Variants in HIVEP3 observed in about 807,000 individuals in gnomAD.
HIVEP3 encodes HIVEP zinc finger 3, also known as transcription factor HIVEP3.
A neutral mutation model predicts 152.8 loss-of-function variants in HIVEP3; 49 were observed. That is an observed-to-expected ratio of 0.32 (90% CI 0.26 to 0.41). The LOEUF (loss-of-function observed/expected upper bound fraction) is 0.41. Among genes scored for constraint, HIVEP3 ranks in the 10% least tolerant of loss-of-function variants. The pLI is 1.00. For synonymous variants in HIVEP3, 1,269 were observed against 1,289.0 expected (o/e 0.98, Z 0.33); for missense variants, 2,790 against 3,103.3 (o/e 0.90, Z 2.40).
chr1:41,916,863 G>A (rs577514145), intron 1 of HIVEP3, among the ~76,000 whole-genome samples: 58 of 152,282 alleles, frequency 3.8e-4, no homozygotes, highest in Non-Finnish European at 5.7e-4. Flanking sequence ...GGAAACTGGA[G>A]GCCCTGCAGG....
rs373387235 is a variant in HIVEP3, at chr1:41,734,549, G to A, written c.-800-33554C>T. Among the ~76,000 whole-genome samples the A allele has an allele frequency of 1.2e-4, 19 of 152,308 alleles. 1 individual carries two copies. In the East Asian group the frequency reaches 1.7e-3, roughly 14 times the overall value. The stretch of plus-strand genomic sequence containing the variant: ...GCTGAAAGGTGTTCAGCCAAGGAGC[G>A]ATGGGCCACTGGGTGATTTAGAAAG... On this transcript the variant is annotated intron_variant, in intron 1 of 8. Transcript: ENST00000372583.
chr1:41,593,763 G>T (rs954312693), intron 3 of HIVEP3, among the ~76,000 whole-genome samples: 113 of 152,214 alleles, frequency 7.4e-4, no homozygotes, highest in Admixed American at 3.0e-3. Flanking sequence ...CAAATTTAGT[G>T]GCTTAATGCA....
At chr1:41,732,186 G>A (rs1646849774) in intron 1 of HIVEP3, among the ~76,000 whole-genome samples, 1 of 152,170 alleles carries the variant, frequency 6.6e-6, no homozygotes, top group Admixed American at 6.5e-5. Context: ...CATGAGCCAT[G>A]GTGCAGCTTG....
intron 1 of HIVEP3, among the ~76,000 whole-genome samples, chr1:41,705,290 A>G (rs540340004): frequency 6.6e-6 from 1 of 152,266 alleles, no homozygotes; most frequent in East Asian, 1.9e-4. Context: ...CCTGGCCTGC[A>G]ATGATGCAGC....
intron 2 of HIVEP3, among the ~76,000 whole-genome samples, chr1:41,677,516 G>T (rs541976475): frequency 6.6e-6 from 1 of 152,350 alleles, no homozygotes; most frequent in South Asian, 2.1e-4. Flanking sequence ...GCCATCAGGA[G>T]AATGATGAGA....
At chr1:41,848,848 C>A (rs1333123834) in intron 1 of HIVEP3, 1 of 152,408 alleles carries the variant, frequency 6.6e-6, no homozygotes, top group Non-Finnish European at 1.5e-5. Flanking sequence ...CTCCCCTAAG[C>A]CCTACCAGAG....
chr1:41,920,424 G>A (rs1392648646), upstream of HIVEP3, among the ~76,000 whole-genome samples: 2 of 152,158 alleles, frequency 1.3e-5, no homozygotes, highest in Non-Finnish European at 2.9e-5. Context: ...GATGGTGAAG[G>A]AGTCTCAGTG....
intron 1 of HIVEP3, among the ~76,000 whole-genome samples, chr1:41,963,272 A>C (rs184247639): frequency 5.7e-3 from 863 of 152,084 alleles, no homozygotes; most frequent in Non-Finnish European, 9.1e-3. Flanking sequence ...CGGCCTCCCA[A>C]AGTGCTGGGA....
chr1:42,031,140 G>A (rs765502521), intron 1 of HIVEP3, among the ~76,000 whole-genome samples: 2 of 152,108 alleles, frequency 1.3e-5, no homozygotes, highest in Non-Finnish European at 2.9e-5. Flanking sequence ...CTTTTCAAAA[G>A]TATTCTGGAA....
intron 5 of HIVEP3, among the ~76,000 whole-genome samples, chr1:41,555,615 T>C (rs1569888479): frequency 6.6e-6 from 1 of 152,220 alleles, no homozygotes. Flanking sequence ...GCTGTTCCTA[T>C]TTGGCCATCT....
At chr1:41,654,237 G>A (rs567845668) in intron 2 of HIVEP3, among the ~76,000 whole-genome samples, 6 of 152,308 alleles carry the variant, frequency 3.9e-5, no homozygotes, top group East Asian at 3.9e-4. Context: ...TGAAATTCAC[G>A]TGGGGGCAGT....
rs151123457 is a variant in HIVEP3 at position 41,559,976 on chromosome 1, C to A, written c.5207+15568G>T. Reference sequence around the variant, plus strand: ...ACCAAGGCACAGAGCAGTTACATAACTTATGCTCAGGCAGCCACTCAGAGA... The same window carrying A: ...ACCAAGGCACAGAGCAGTTACATAAATTATGCTCAGGCAGCCACTCAGAGA... On this transcript the variant is annotated intron_variant, in intron 5 of 8. Transcript: ENST00000372583. 3.3e-3 allele frequency among the ~76,000 whole-genome samples: 496 copies of A among 152,298 alleles called. 1 individual carries two copies. Among genetic ancestry groups the A allele is most frequent in the African/African-American group, 0.011 (477 of 41,564 alleles).
chr1:41,646,445 G>A (rs1379783579), intron 2 of HIVEP3, among the ~76,000 whole-genome samples: 1 of 152,230 alleles, frequency 6.6e-6, no homozygotes, highest in East Asian at 1.9e-4. Context: ...GTTCCTTGCA[G>A]GAGATGGGAC....
chr1:41,658,564 G>C (rs914535537), intron 2 of HIVEP3, among the ~76,000 whole-genome samples: 8 of 151,826 alleles, frequency 5.3e-5, no homozygotes, highest in African/African-American at 1.9e-4. Context: ...GAAAGTGCAT[G>C]TTCTCACTTC....
intron 1 of HIVEP3, among the ~76,000 whole-genome samples, chr1:41,706,892 G>C (rs1180288653): frequency 6.6e-6 from 1 of 152,194 alleles, no homozygotes; most frequent in Non-Finnish European, 1.5e-5. Context: ...AGAATGTTAA[G>C]CTATCGTTCT....
At chr1:41,756,922 C>G (rs920195483) in intron 1 of HIVEP3, among the ~76,000 whole-genome samples, 8 of 151,902 alleles carry the variant, frequency 5.3e-5, no homozygotes, top group Non-Finnish European at 1.2e-4. Flanking sequence ...TTTGCAAAGT[C>G]TAGAAAGTTA....
intron 1 of HIVEP3, among the ~76,000 whole-genome samples, chr1:41,765,266 T>G (rs1466361210): frequency 6.6e-6 from 1 of 152,194 alleles, no homozygotes; most frequent in Non-Finnish European, 1.5e-5. Flanking sequence ...CCCCAGCTAT[T>G]TATAAACCCC....
intron 1 of HIVEP3, among the ~76,000 whole-genome samples, chr1:42,010,886 A>G (rs190715035): frequency 3.3e-5 from 5 of 152,130 alleles, no homozygotes; most frequent in Admixed American, 2.0e-4. Context: ...TCCAAGGCTC[A>G]GCCCAGACCA....
At chr1:41,613,848 C>T (rs1644930208) in intron 3 of HIVEP3, among the ~76,000 whole-genome samples, 1 of 152,242 alleles carries the variant, frequency 6.6e-6, no homozygotes, top group African/African-American at 2.4e-5. Flanking sequence ...GCCACTAATT[C>T]ATCTAGTTTC....
Sources: allele counts gnomAD v4.1 joint callset (sites outside exome capture counted in the v4.1 genomes callset), GRCh38; gene constraint gnomAD v4.1.1; transcripts MANE v1.5; gene names NCBI Gene and HGNC (gene_info 2026-07-23, HGNC 2026-07-21).